Variants in MORC2 observed in about 807,000 individuals in gnomAD.
The protein encoded by MORC2 is ATPase MORC2.
In MORC2, 30 loss-of-function variants were observed where a neutral mutation model predicts 136.0. The observed-to-expected ratio is 0.22, with a 90% confidence interval of 0.17 to 0.30. The LOEUF (loss-of-function observed/expected upper bound fraction) is 0.30. MORC2 is among the 10% of genes least tolerant of loss of function. The pLI is 1.00. For missense variants in MORC2, 922 were observed against 1,333.1 expected (o/e 0.69, Z 4.80); for synonymous variants, 439 against 487.0 (o/e 0.90, Z 1.30).
At chr22:30,938,365 C>G (rs1371092443) in intron 12 of MORC2, among the ~76,000 whole-genome samples, 160 bp from the exon 13 acceptor site, 1 of 152,192 alleles carries the variant, frequency 6.6e-6, no homozygotes, top group Non-Finnish European at 1.5e-5. Flanking sequence ...TGGACATGCA[C>G]TGGGCACCAA....
At chr22:30,957,782 C>G (rs1479612156) in intron 2 of MORC2, among the ~76,000 whole-genome samples, 4 of 152,204 alleles carry the variant, frequency 2.6e-5, no homozygotes. Flanking sequence ...ACAACTAGCA[C>G]ACTTCCATGA....
At chr22:30,958,718 C>G in intron 1 of MORC2, 24 bp from the exon 2 acceptor site, 1 of 1,519,858 alleles carries the variant, frequency 6.6e-7, no homozygotes, top group Non-Finnish European at 8.9e-7. Context: ...TACTAAAAGT[C>G]AGCAAAAGAA....
chr22:30,935,145 G>A lies in MORC2; in HGVS notation c.1829C>T (p.Pro610Leu). The A allele has an allele frequency of 6.2e-7, 1 of 1,613,018 alleles. No individual in the cohort carries two copies. The change falls in exon 19 of 26, where the codon CCT (proline) becomes CTT (leucine). Residue 610 changes from proline (P) to leucine (L), a missense_variant. Pro to Leu is a moderately conservative substitution (Grantham distance 98). This residue lies in a region of MORC2 where 184 missense variants were observed against 180.3 expected (regional missense o/e 1.02). Transcript: ENST00000397641. Reference sequence around the variant, plus strand: ...TAAAGGGGGCGACCGAGGACGCTGAGGTCTACGCACAGGTTCCTAAAAAAA... The same window carrying A: ...TAAAGGGGGCGACCGAGGACGCTGAAGTCTACGCACAGGTTCCTAAAAAAA... ...RPSTEEPVRR[P>L]QRPRSPPLPA...
rs574233691 is a variant in MORC2, at chr22:30,925,202, T to C, written c.*1601A>G. ...ATGTGTGTGAATTTTAAAAACTGAT[T>C]ACCCTCCAGTAAAAATGTGGAACCA... On this transcript the variant is annotated 3_prime_UTR_variant, in exon 26 of 26. Transcript: ENST00000397641. The C allele has an allele frequency of 6.9e-6, 2 of 289,662 alleles. No homozygotes were observed. The highest frequency in any genetic ancestry group is 1.4e-5 in the Non-Finnish European group (2 of 147,508). The allele number at this position is 289,662 out of a possible 1,614,324, so 17.9% of individuals were successfully genotyped here.
chr22:30,964,285 AGGT>A (rs1386801201), intron 1 of MORC2, among the ~76,000 whole-genome samples: 1 of 152,108 alleles, frequency 6.6e-6, no homozygotes, highest in African/African-American at 2.4e-5. Context: ...TGAACCTGGG[AGGT>A]GGAGGTTGCA....
intron 10 of MORC2, 98 bp from the exon 11 acceptor site, chr22:30,940,139 A>C: frequency 8.2e-7 from 1 of 1,218,172 alleles, no homozygotes; most frequent in Non-Finnish European, 1.2e-6. Context: ...TGTGTACACC[A>C]CCAAGGAAAA....
chr22:30,950,353 C>CCAAAAAAAAAAAAAAAAAA, intron 4 of MORC2, 24 bp downstream of exon 4: 1 of 1,481,962 alleles, frequency 6.7e-7, no homozygotes, highest in Non-Finnish European at 9.4e-7. Flanking sequence ...CCCCACCCCC[C>CCAAAAAAAAAAAAAAAAAA]AAAACAATAA....
At chr22:30,931,141 G>A (rs980265715) in intron 24 of MORC2, among the ~76,000 whole-genome samples, 3 of 151,942 alleles carry the variant, frequency 2.0e-5, no homozygotes, top group African/African-American at 4.8e-5. Context: ...CTGCCTCCTC[G>A]CCCCTGCATC....
rs779995413 is a variant in MORC2, at chr22:30,934,752, T to G, written c.2193+29A>C. The G allele has an allele frequency of 6.2e-7, 1 of 1,609,114 alleles. No homozygotes were observed. The highest frequency in any genetic ancestry group is 8.5e-7 in the Non-Finnish European group (1 of 1,176,434). ...CATTCCTACACTACTGACACTGGGCTGGGGTATTAAAGAGGACAAGCGTCT... is the reference window on the plus strand; with the variant it reads ...CATTCCTACACTACTGACACTGGGCGGGGGTATTAAAGAGGACAAGCGTCT... On this transcript the variant is annotated intron_variant, in intron 19 of 25. Transcript: ENST00000397641. This position sits in a 1 kb window ranked among gnomAD's most constrained non-coding sequence, Gnocchi z 4.4.
At position 30,968,093 on chromosome 22, in the gene MORC2, CAAT is replaced by C. The variant is rs1569208120; in HGVS notation, c.-207_-205del. On this transcript the variant is annotated 5_prime_UTR_variant, in exon 1 of 26. Transcript: ENST00000397641. Reference sequence around the variant, plus strand: ...TTCAAGTGTTTTTTTTTAATCTTCTCAATGATTTATGATGTAATATTTTGGAAG... The same window carrying C: ...TTCAAGTGTTTTTTTTTAATCTTCTCGATTTATGATGTAATATTTTGGAAG... 3 of 542,326 alleles carry C rather than the reference CAAT, an allele frequency of 5.5e-6. No individual in the cohort carries two copies. In the African/African-American group the frequency reaches 5.8e-5, roughly 10 times the overall value. The allele number at this position is 542,326 out of a possible 1,614,324, so 33.6% of individuals were successfully genotyped here. A position where few individuals can be genotyped will look rare whatever the true frequency, so the allele number is the denominator to read the frequency against.
intron 1 of MORC2, chr22:30,967,516 G>A (rs2041146718): frequency 8.6e-7 from 1 of 1,166,582 alleles, no homozygotes; most frequent in Admixed American, 4.3e-5. Flanking sequence ...ATCCAATAGA[G>A]CAGTATTTGT....
At chr22:30,942,533 C>T (rs955755113) in intron 6 of MORC2, among the ~76,000 whole-genome samples, 7 of 152,130 alleles carry the variant, frequency 4.6e-5, no homozygotes, top group Non-Finnish European at 7.3e-5. Context: ...CTGCTTGGGA[C>T]GTCCCTGGTC....
intron 3 of MORC2, among the ~76,000 whole-genome samples, chr22:30,951,814 T>TC (rs950955509): frequency 2.6e-4 from 39 of 151,988 alleles, no homozygotes; most frequent in Non-Finnish European, 1.0e-4. Flanking sequence ...ATGCTATTTT[T>TC]TTTTTTTTTG....
rs547709676 is a variant in MORC2 at position 30,933,158 on chromosome 22, C to A, written c.2381-128G>T. 46 of 1,334,926 alleles carry A rather than the reference C, an allele frequency of 3.4e-5. No homozygotes were observed. In the African/African-American group the frequency reaches 5.8e-4, roughly 17 times the overall value. The allele number at this position is 1,334,926 out of a possible 1,614,324, so 82.7% of individuals were successfully genotyped here. On this transcript the variant is annotated intron_variant, in intron 21 of 25. Transcript: ENST00000397641. The stretch of plus-strand genomic sequence containing the variant: ...AACACTTAGGTGCTTGCCCCCACTA[C>A]ACCAGGGACACAGAGACCAGGGACC...
intron 1 of MORC2, 44 bp from the exon 2 acceptor site, chr22:30,958,738 T>TTA: frequency 7.0e-7 from 1 of 1,419,236 alleles, no homozygotes; most frequent in Non-Finnish European, 9.7e-7. Flanking sequence ...ATTATTGAAG[T>TTA]TATAATTCCT....
At chr22:30,951,198 T>C (rs1244294383) in intron 3 of MORC2, among the ~76,000 whole-genome samples, 2 of 152,220 alleles carry the variant, frequency 1.3e-5, no homozygotes, top group East Asian at 3.8e-4. Context: ...TGGGGTTTCC[T>C]GGCCAACAGA....
At position 30,937,557 on chromosome 22, in the gene MORC2, C is replaced by T. The variant is rs369173940; in HGVS notation, c.1498+26G>A. The T allele has an allele frequency of 6.2e-5, 100 of 1,608,180 alleles. No homozygotes were observed. In the African/African-American group the frequency reaches 9.5e-4, roughly 15 times the overall value. ...GGCTTGTGGGCTGATGGAAATGAGTCGGGGGGGTCCAACCACCCAACTCAC... is the reference window on the plus strand; with the variant it reads ...GGCTTGTGGGCTGATGGAAATGAGTTGGGGGGGTCCAACCACCCAACTCAC... On this transcript the variant is annotated intron_variant, in intron 15 of 25. Transcript: ENST00000397641. The surrounding 1 kb of genome is among the most constrained non-coding windows in gnomAD (Gnocchi z 4.7).
In MORC2 at chr22:30,933,150, C is replaced by T. The variant is rs565513036; in HGVS notation, c.2381-120G>A. On this transcript the variant is annotated intron_variant, in intron 21 of 25. Coordinates refer to ENST00000397641, the MANE Select transcript of MORC2 (RefSeq NM_001303256.3). ...AGGACAGGAACACTTAGGTGCTTGC[C>T]CCCACTACACCAGGGACACAGAGAC... 4.5e-5 allele frequency: 62 copies of T among 1,382,512 alleles called. 2 individuals are homozygous for T. In the South Asian group the frequency reaches 7.8e-4, roughly 17 times the overall value. 85.6% of individuals were successfully genotyped at this position (1,382,512 alleles called of 1,614,324 possible).
chr22:30,946,499 A>G lies in MORC2; in HGVS notation c.318-50T>C, dbSNP rs112847762. On this transcript the variant is annotated intron_variant, in intron 5 of 25. Transcript: ENST00000397641. Reference sequence around the variant, plus strand: ...TTATTCTCCCAGGAGTCAAAAGCTCATCTGCAAAAGAAATCAATCCACTCT... The same window carrying G: ...TTATTCTCCCAGGAGTCAAAAGCTCGTCTGCAAAAGAAATCAATCCACTCT... 3.3e-5 allele frequency: 49 copies of G among 1,501,388 alleles called. No homozygotes were observed. In the African/African-American group the frequency reaches 5.2e-4, roughly 16 times the overall value. The allele number at this position is 1,501,388 out of a possible 1,614,324, so 93.0% of individuals were successfully genotyped here. A position where few individuals can be genotyped will look rare whatever the true frequency, so the allele number is the denominator to read the frequency against.
Sources: allele counts gnomAD v4.1 joint callset (sites outside exome capture counted in the v4.1 genomes callset), GRCh38; gene constraint gnomAD v4.1.1; regional missense constraint gnomAD v4.1.1; non-coding constraint Gnocchi (gnomAD v3.1); transcripts MANE v1.5; gene names NCBI Gene and HGNC (gene_info 2026-07-23, HGNC 2026-07-21).